Variants in ST6GALNAC3 observed in about 807,000 individuals in gnomAD.
ST6GALNAC3 encodes ST6 N-acetylgalactosaminide alpha-2,6-sialyltransferase 3, also known as alpha-N-acetylgalactosaminide alpha-2,6-sialyltransferase 3.
Under a neutral mutation model 32.7 loss-of-function variants are expected in ST6GALNAC3, and 25 were observed. That is an observed-to-expected ratio of 0.76 (90% CI 0.56 to 1.07). ST6GALNAC3 has a LOEUF of 1.07. Ranked by LOEUF, ST6GALNAC3 falls within the 50% of genes least tolerant of loss-of-function variation. ST6GALNAC3 has a pLI of 0.00. For synonymous variants in ST6GALNAC3, 129 were observed against 133.1 expected, an observed-to-expected ratio of 0.97 and a Z score of 0.21; for missense variants, 355 against 382.4, an observed-to-expected ratio of 0.93 and a Z score of 0.60.
intron 3 of ST6GALNAC3, chr1:76,576,950 C>A: frequency 1.6e-6 from 2 of 1,275,708 alleles, no homozygotes; most frequent in Non-Finnish European, 1.0e-6. Flanking sequence ...AAGAAAGAAA[C>A]AAACAAACAA....
intron 3 of ST6GALNAC3, among the ~76,000 whole-genome samples, chr1:76,519,154 TC>T (rs1274085965): frequency 6.6e-6 from 1 of 152,162 alleles, no homozygotes; most frequent in African/African-American, 2.4e-5. Flanking sequence ...CACAGTGTCA[TC>T]TTTTTTTAGA....
intron 1 of ST6GALNAC3, among the ~76,000 whole-genome samples, chr1:76,226,354 AGCCTTCATGG>A (rs1299776288): frequency 6.6e-6 from 1 of 152,122 alleles, no homozygotes; most frequent in Non-Finnish European, 1.5e-5. Flanking sequence ...TCTCCAAGGG[AGCCTTCATGG>A]CTTCCTTCGG....
intron 3 of ST6GALNAC3, among the ~76,000 whole-genome samples, chr1:76,429,945 A>T (rs2101436187): frequency 6.6e-6 from 1 of 152,258 alleles, no homozygotes; most frequent in East Asian, 1.9e-4. Flanking sequence ...GGACTCATTC[A>T]CTTCCATAAG....
intron 1 of ST6GALNAC3, among the ~76,000 whole-genome samples, chr1:76,081,868 T>C (rs2100724104): frequency 6.6e-6 from 1 of 152,344 alleles, no homozygotes; most frequent in Middle Eastern, 3.4e-3. Flanking sequence ...AACATAGATC[T>C]GTCCCTTGGG....
chr1:76,126,010 C>A (rs1015671634), intron 1 of ST6GALNAC3, among the ~76,000 whole-genome samples: 3 of 152,108 alleles, frequency 2.0e-5, no homozygotes, highest in Non-Finnish European at 4.4e-5. Context: ...ACAGCAAGGT[C>A]CCCTGGGATT....
chr1:76,252,757 T>C lies in ST6GALNAC3; in HGVS notation c.19-61048T>C, dbSNP rs148086150. Among the ~76,000 whole-genome samples, 7 of 152,272 alleles carry C rather than the reference T, an allele frequency of 4.6e-5. No homozygotes were observed. In the East Asian group the frequency reaches 1.4e-3, roughly 29 times the overall value. On this transcript the variant is annotated intron_variant, in intron 1 of 4. Transcript: ENST00000328299. ...GCTGTTATTACATTTAAGAATCTCT[T>C]TTCTGTAATATTAAGACATCTTGAT...
intron 3 of ST6GALNAC3, among the ~76,000 whole-genome samples, chr1:76,503,134 G>T (rs1029093040): frequency 2.0e-5 from 3 of 152,128 alleles, no homozygotes; most frequent in Non-Finnish European, 4.4e-5. Context: ...TATAAGGAAG[G>T]GGGCAGAGAG....
At chr1:76,220,360 T>C (rs1296752070) in intron 1 of ST6GALNAC3, among the ~76,000 whole-genome samples, 1 of 152,238 alleles carries the variant, frequency 6.6e-6, no homozygotes, top group Non-Finnish European at 1.5e-5. Context: ...TTACAGTTCT[T>C]TTTTAAAACA....
intron 3 of ST6GALNAC3, among the ~76,000 whole-genome samples, chr1:76,441,517 TA>T (rs1656606048): frequency 6.6e-6 from 1 of 152,172 alleles, no homozygotes; most frequent in Non-Finnish European, 1.5e-5. Flanking sequence ...TGTACATATT[TA>T]TGGGGTACAT....
chr1:76,229,834 A>G (rs1570511436), intron 1 of ST6GALNAC3, among the ~76,000 whole-genome samples: 1 of 152,202 alleles, frequency 6.6e-6, no homozygotes. Flanking sequence ...CAACGCATGC[A>G]TTAGGTATTA....
chr1:76,156,141 T>A (rs1651403967), intron 1 of ST6GALNAC3, among the ~76,000 whole-genome samples: 1 of 152,168 alleles, frequency 6.6e-6, no homozygotes. Flanking sequence ...TATGGGTTTT[T>A]GAGAGGAAGA....
chr1:76,251,088 C>T (rs1657582622), intron 1 of ST6GALNAC3, among the ~76,000 whole-genome samples: 1 of 152,106 alleles, frequency 6.6e-6, no homozygotes, highest in Non-Finnish European at 1.5e-5. Context: ...CAAACTTCTC[C>T]TACCCTTTTT....
intron 1 of ST6GALNAC3, chr1:76,308,018 A>T: frequency 2.4e-6 from 1 of 411,306 alleles, no homozygotes; most frequent in Non-Finnish European, 5.0e-6. Context: ...CAGCTGTTAA[A>T]GGCCCCTTCA....
At chr1:76,216,918 G>A (rs535277198) in intron 1 of ST6GALNAC3, among the ~76,000 whole-genome samples, 4 of 152,012 alleles carry the variant, frequency 2.6e-5, no homozygotes, top group Admixed American at 1.3e-4. Context: ...AATCTTGTTC[G>A]GAAAAAAAAT....
At chr1:76,438,238 A>G (rs972506288) in intron 3 of ST6GALNAC3, among the ~76,000 whole-genome samples, 12 of 148,750 alleles carry the variant, frequency 8.1e-5, no homozygotes, top group African/African-American at 2.8e-4. Context: ...TGCAAGCTCC[A>G]CCTCCCGGGT....
intron 3 of ST6GALNAC3, among the ~76,000 whole-genome samples, chr1:76,551,933 G>A (rs1017380099): frequency 6.6e-6 from 1 of 152,090 alleles, no homozygotes; most frequent in East Asian, 1.9e-4. Context: ...CACTGTTGGG[G>A]GCAGTGGGGT....
intron 2 of ST6GALNAC3, among the ~76,000 whole-genome samples, chr1:76,320,438 T>G (rs2100919476): frequency 6.6e-6 from 1 of 152,244 alleles, no homozygotes; most frequent in African/African-American, 2.4e-5. Context: ...ACCTTGGCCC[T>G]ACTGCCCTGC....
chr1:76,540,496 T>C (rs917083862), intron 3 of ST6GALNAC3, among the ~76,000 whole-genome samples: 4 of 152,124 alleles, frequency 2.6e-5, no homozygotes, highest in African/African-American at 9.7e-5. Context: ...AAAACAAGCA[T>C]TAAAAATGGA....
chr1:76,565,494 T>C (rs1233954494), intron 3 of ST6GALNAC3, among the ~76,000 whole-genome samples: 13 of 152,086 alleles, frequency 8.5e-5, no homozygotes, highest in African/African-American at 3.1e-4. Flanking sequence ...CGTTTTCTCT[T>C]CCTCTCTTGA....
Sources: gnomAD v4.1 joint callset for allele counts (sites outside exome capture counted in the v4.1 genomes callset) on GRCh38, gnomAD v4.1.1 for gene constraint, MANE v1.5 for transcripts, NCBI Gene and HGNC (gene_info 2026-07-23, HGNC 2026-07-21) for gene names.